CYP4Z1: variants seen among roughly 807,000 people sequenced by gnomAD.
The protein encoded by CYP4Z1 is cytochrome P450 4Z1.
A neutral mutation model predicts 54.2 loss-of-function variants in CYP4Z1; 41 were observed. The observed-to-expected ratio is 0.76, with a 90% confidence interval of 0.59 to 0.98. The LOEUF (loss-of-function observed/expected upper bound fraction) is 0.98, where lower values mean the gene tolerates loss of function less well. Among genes scored for constraint, CYP4Z1 ranks in the 50% least tolerant of loss-of-function variants. The pLI, the probability that CYP4Z1 is intolerant of heterozygous loss-of-function variation, is 0.00. For synonymous variants in CYP4Z1, 163 were observed against 206.2 expected (o/e 0.79, Z 1.79); for missense variants, 513 against 599.0 (o/e 0.86, Z 1.50).
At chr1:47,111,390 A>G (rs1022745837) in intron 9 of CYP4Z1, among the ~76,000 whole-genome samples, 2 of 152,108 alleles carry the variant, frequency 1.3e-5, no homozygotes, top group East Asian at 1.9e-4. Flanking sequence ...TCACCGTGTT[A>G]GCCACGATGG....
intron 6 of CYP4Z1, 85 bp from the exon 7 acceptor site, chr1:47,094,481 G>C: frequency 1.1e-6 from 1 of 943,034 alleles, no homozygotes; most frequent in African/African-American, 1.7e-5. Context: ...TACCGATAAA[G>C]CACCAGCTTC....
chr1:47,097,745 GGTTTGTTT>G (rs550248999), intron 7 of CYP4Z1, among the ~76,000 whole-genome samples: 8 of 150,434 alleles, frequency 5.3e-5, no homozygotes, highest in Non-Finnish European at 8.9e-5. Context: ...CTCCAGCTTT[GGTTTGTTT>G]GTTTGTTTGT....
the CYP4Z1 span, among the ~76,000 whole-genome samples, chr1:47,057,923 C>T: frequency 2.0e-5 from 3 of 151,844 alleles, no homozygotes; most frequent in Non-Finnish European, 4.4e-5. Context: ...ACTTTGGATT[C>T]TAGTTTTCTG....
chr1:47,099,390 A>G (rs767015675), intron 8 of CYP4Z1, 106 bp downstream of exon 8: 151 of 1,135,272 alleles, frequency 1.3e-4, no homozygotes, highest in Non-Finnish European at 1.8e-4. Context: ...GTCTGTATGC[A>G]TTTGGAAAGG....
intron 7 of CYP4Z1, among the ~76,000 whole-genome samples, chr1:47,098,781 T>G (rs1644698810): frequency 6.6e-6 from 1 of 152,194 alleles, no homozygotes; most frequent in Non-Finnish European, 1.5e-5. Flanking sequence ...ACTATGGTAT[T>G]AAACATTCTT....
chr1:47,063,562 G>A (rs1361043620), upstream of CYP4Z1, among the ~76,000 whole-genome samples: 2 of 151,782 alleles, frequency 1.3e-5, no homozygotes, highest in African/African-American at 4.8e-5. Context: ...CACAACTTCT[G>A]GAAACTGAAC....
At chr1:47,094,396 G>A (rs142262736) in intron 6 of CYP4Z1, among the ~76,000 whole-genome samples, 170 bp from the exon 7 acceptor site, 6 of 152,222 alleles carry the variant, frequency 3.9e-5, no homozygotes, top group Admixed American at 2.6e-4. Flanking sequence ...GGGATGGGAC[G>A]ATTTTTTTAA....
chr1:47,111,770 CA>C (rs1232365643), intron 9 of CYP4Z1, among the ~76,000 whole-genome samples: 1 of 151,998 alleles, frequency 6.6e-6, no homozygotes, highest in Non-Finnish European at 1.5e-5. Flanking sequence ...AGAAACATTA[CA>C]AAATAGTGTT....
chr1:47,115,625 C>G (rs768947277), intron 10 of CYP4Z1, 32 bp downstream of exon 10: 2 of 1,589,780 alleles, frequency 1.3e-6, no homozygotes, highest in African/African-American at 1.3e-5. Flanking sequence ...CCAGTGGCAT[C>G]TAAGATAGCA....
the CYP4Z1 span, among the ~76,000 whole-genome samples, chr1:47,057,455 C>G: frequency 1.4e-5 from 2 of 138,276 alleles, no homozygotes; most frequent in African/African-American, 2.7e-5. Context: ...TGATATTGTC[C>G]CACAGGATCC....
chr1:47,083,656 G>C (rs1569715307), intron 4 of CYP4Z1, among the ~76,000 whole-genome samples: 1 of 152,276 alleles, frequency 6.6e-6, no homozygotes, highest in East Asian at 1.9e-4. Flanking sequence ...TCATAAGGCA[G>C]ATTAGAGGAA....
At chr1:47,066,402 G>C (rs12402481), upstream of CYP4Z1, among the ~76,000 whole-genome samples, 1 of 151,998 alleles carries the variant, frequency 6.6e-6, no homozygotes, top group Non-Finnish European at 1.5e-5. Flanking sequence ...CACATAAACA[G>C]AATTAAAAAC....
In CYP4Z1 at chr1:47,115,563, C is replaced by G. The variant is rs770923489; in HGVS notation, c.1236C>G (p.His412Gln). The G allele has an allele frequency of 6.2e-7, 1 of 1,613,560 alleles. No individual in the cohort carries two copies. ...ITVFINIWAL[H>Q]HNPYFWEDPQ... ...TGTTTATCAATATTTGGGCTCTTCA[C>G]CACAACCCCTATTTCTGGGAAGACC... is the stretch of plus-strand genomic sequence containing the variant. Residue 412 changes from histidine to glutamine, a missense_variant, in exon 10 of 12, where the codon CAC becomes CAG. His to Gln is a conservative substitution (Grantham distance 24). Transcript: ENST00000334194.
intron 2 of CYP4Z1, among the ~76,000 whole-genome samples, chr1:47,074,104 T>C (rs941896299): frequency 6.6e-6 from 1 of 152,240 alleles, no homozygotes; most frequent in African/African-American, 2.4e-5. Context: ...TTTAGTCCTT[T>C]TTTTGGGTGA....
intron 6 of CYP4Z1, among the ~76,000 whole-genome samples, chr1:47,092,312 C>T (rs377264800): frequency 6.6e-6 from 1 of 151,996 alleles, no homozygotes; most frequent in African/African-American, 2.4e-5. Context: ...TTTGGGCCTC[C>T]CCCTGGTCCC....
intron 8 of CYP4Z1, among the ~76,000 whole-genome samples, chr1:47,102,188 G>A (rs578232314): frequency 6.6e-6 from 1 of 152,078 alleles, no homozygotes; most frequent in Non-Finnish European, 1.5e-5. Context: ...GTTGGGTCAT[G>A]TTTTTCAATC....
At chr1:47,061,528 A>G in the CYP4Z1 span, among the ~76,000 whole-genome samples, 19 of 152,194 alleles carry the variant, frequency 1.2e-4, no homozygotes, top group Admixed American at 1.2e-3. Context: ...TTCAAAATTG[A>G]ATGAGTAATA....
intron 9 of CYP4Z1, among the ~76,000 whole-genome samples, chr1:47,115,133 C>T (rs937577809): frequency 8.5e-5 from 13 of 152,284 alleles, no homozygotes; most frequent in Middle Eastern, 3.4e-3. Flanking sequence ...ATGATGAGTT[C>T]ATGTCCTTTG....
At chr1:47,077,630 T>C (rs1328701171) in intron 2 of CYP4Z1, among the ~76,000 whole-genome samples, 1 of 152,044 alleles carries the variant, frequency 6.6e-6, no homozygotes, top group African/African-American at 2.4e-5. Flanking sequence ...GTCTTATTTT[T>C]TTTTTTTAGA....
Sources: gnomAD v4.1 joint callset for allele counts (sites outside exome capture counted in the v4.1 genomes callset) on GRCh38, gnomAD v4.1.1 for gene constraint, MANE v1.5 for transcripts, NCBI Gene and HGNC (gene_info 2026-07-23, HGNC 2026-07-21) for gene names.